Variants in SNX2 observed in about 807,000 individuals in gnomAD.
SNX2 encodes the protein sorting nexin-2.
In SNX2, 25 loss-of-function variants were observed where a neutral mutation model predicts 69.9. The observed-to-expected ratio is 0.36, with a 90% confidence interval of 0.26 to 0.50. The LOEUF is 0.50. Ranked by LOEUF, SNX2 falls within the 20% of genes least tolerant of loss-of-function variation. SNX2 has a pLI of 0.97. For missense variants in SNX2, 551 were observed against 613.3 expected, an observed-to-expected ratio of 0.90 and a Z score of 1.07; for synonymous variants, 229 against 200.4, an observed-to-expected ratio of 1.14 and a Z score of -1.20.
At chr5:122,795,555 C>T in intron 2 of SNX2, 172 bp downstream of exon 2, 1 of 580,034 alleles carries the variant, frequency 1.7e-6, no homozygotes, top group South Asian at 2.2e-5. Context: ...AAAATGTGGA[C>T]TGTCCAGAGA....
At chr5:122,812,521 C>T (rs1753802970) in intron 7 of SNX2, among the ~76,000 whole-genome samples, 1 of 152,202 alleles carries the variant, frequency 6.6e-6, no homozygotes, top group Non-Finnish European at 1.5e-5. Flanking sequence ...CAGTCATTGG[C>T]TTTCTTCTGA....
chr5:122,788,935 TTTCTC>T (rs1333880138), intron 1 of SNX2, among the ~76,000 whole-genome samples: 6 of 152,342 alleles, frequency 3.9e-5, no homozygotes, highest in African/African-American at 7.2e-5. Context: ...TTGACTGTCT[TTTCTC>T]TTATTTGGTC....
In SNX2 at chr5:122,829,576, A is replaced by G. The variant is rs143917599; in HGVS notation, c.1510-22A>G. On this transcript the variant is annotated intron_variant, in intron 14 of 14. Transcript: ENST00000379516. ...GACAAAAAGGTAATGAGAATAACTT[A>G]TATTTTAATTATCATTCACAGCTGA... 5.1e-4 allele frequency: 812 copies of G among 1,591,818 alleles called. 1 individual carries two copies. Among genetic ancestry groups the G allele is most frequent in the Middle Eastern group, 1.0e-3 (6 of 6,018 alleles).
At chr5:122,784,156 A>G (rs1485010442) in intron 1 of SNX2, among the ~76,000 whole-genome samples, 1 of 151,458 alleles carries the variant, frequency 6.6e-6, no homozygotes, top group Non-Finnish European at 1.5e-5. Context: ...TTTTCTGTGT[A>G]GATAATCATA....
chr5:122,790,891 T>C (rs1212530025), intron 1 of SNX2, among the ~76,000 whole-genome samples: 1 of 152,196 alleles, frequency 6.6e-6, no homozygotes, highest in Non-Finnish European at 1.5e-5. Flanking sequence ...GAACTTTCAG[T>C]ATGATGTTGA....
chr5:122,808,933 GTGTT>G (rs1753709600), intron 7 of SNX2, among the ~76,000 whole-genome samples: 1 of 151,986 alleles, frequency 6.6e-6, no homozygotes, highest in Admixed American at 6.6e-5. Flanking sequence ...TGCCCCCCTT[GTGTT>G]TGTATAATTG....
At chr5:122,782,459 G>A (rs1309372437) in intron 1 of SNX2, among the ~76,000 whole-genome samples, 2 of 151,822 alleles carry the variant, frequency 1.3e-5, no homozygotes, top group African/African-American at 2.4e-5. Flanking sequence ...GGTTGTTCTC[G>A]AACTCCTAAC....
At chr5:122,783,236 C>T (rs556329309) in intron 1 of SNX2, among the ~76,000 whole-genome samples, 6 of 152,256 alleles carry the variant, frequency 3.9e-5, no homozygotes, top group African/African-American at 7.2e-5. Flanking sequence ...TGAGCCACCG[C>T]GCCTGCCCAG....
chr5:122,784,844 A>G (rs1212273362), intron 1 of SNX2, among the ~76,000 whole-genome samples: 1 of 152,200 alleles, frequency 6.6e-6, no homozygotes, highest in Non-Finnish European at 1.5e-5. Flanking sequence ...AGAATTTACT[A>G]ATGAAGTCAT....
Position 122,830,335 on chromosome 5 carries a change from G to T in SNX2, c.*687G>T, listed in dbSNP as rs1754257802. ...TCTTGATTGTCTTGGGTAAAGAAGA[G>T]AATAATTGTCTTTGCTTGTTTTTAA... On this transcript the variant is annotated 3_prime_UTR_variant, in exon 15 of 15. Transcript: ENST00000379516. Among the ~76,000 whole-genome samples the T allele has an allele frequency of 6.6e-6, 1 of 152,156 alleles. No homozygotes were observed. Among genetic ancestry groups the T allele is most frequent in the African/African-American group, 2.4e-5 (1 of 41,442 alleles).
intron 7 of SNX2, among the ~76,000 whole-genome samples, chr5:122,810,892 G>A (rs996521753): frequency 1.3e-5 from 2 of 152,152 alleles, no homozygotes; most frequent in Non-Finnish European, 2.9e-5. Context: ...GAACTGGAAT[G>A]GTTTCTTTTA....
chr5:122,798,094 G>A (rs1489914497), intron 2 of SNX2, among the ~76,000 whole-genome samples: 4 of 151,884 alleles, frequency 2.6e-5, no homozygotes, highest in African/African-American at 9.7e-5. Flanking sequence ...TGGGGTTTTT[G>A]TTTTGTTTGG....
chr5:122,799,773 T>C lies in SNX2; in HGVS notation c.308T>C (p.Val103Ala), dbSNP rs1444560108. 1.2e-6 allele frequency: 2 copies of C among 1,613,718 alleles called. No homozygotes were observed. The highest frequency in any genetic ancestry group is 1.7e-6 in the Non-Finnish European group (2 of 1,179,652). The change falls in exon 3 of 15, where the codon GTC (valine) becomes GCC (alanine). Residue 103 changes from valine to alanine, a missense_variant. Val to Ala is a moderately conservative substitution (Grantham distance 64). Transcript: ENST00000379516. ...SSEPSPAVTP[V>A]TPTTLIAPRI... The stretch of plus-strand genomic sequence containing the variant: ...GAACCTTCTCCTGCAGTCACACCTG[T>C]CACTCCTACTACACTCATTGCTCCT...
rs1261439861 is a variant in SNX2 at position 122,803,570 on chromosome 5, T to A, written c.600T>A (p.His200Gln). Residue 200 changes from histidine to glutamine, a missense_variant, in exon 6 of 15, where the codon CAT (histidine) becomes CAA (glutamine). Physicochemically the swap from His to Gln is conservative, Grantham distance 24. This residue lies in a region of SNX2 where 360 missense variants were observed against 450.4 expected (regional missense o/e 0.80). Transcript: ENST00000379516. Reference protein sequence around the residue: ...LHSKLASKYLHVGYIVPPAPE... With the variant: ...LHSKLASKYLQVGYIVPPAPE... ...GCAAATTAGCAAGCAAATATTTACA[T>A]GTTGGTTATATTGTGCCACCAGCTC... 6.2e-7 allele frequency: 1 copy of A among 1,611,960 alleles called. No individual in the cohort carries two copies. The highest frequency in any genetic ancestry group is 2.2e-5 in the East Asian group (1 of 44,766).
chr5:122,799,874 T>G lies in SNX2; in HGVS notation c.390+19T>G. On this transcript the variant is annotated intron_variant, in intron 3 of 14. Transcript: ENST00000379516. Reference sequence around the variant, plus strand: ...GGAAGAGGTACAGGAAAATGTATTCTAAATTAATATGTAAATATATACCTT... The same window carrying G: ...GGAAGAGGTACAGGAAAATGTATTCGAAATTAATATGTAAATATATACCTT... 2 of 1,580,850 alleles carry G rather than the reference T, an allele frequency of 1.3e-6. No homozygotes were observed. Among genetic ancestry groups the G allele is most frequent in the Non-Finnish European group, 1.7e-6 (2 of 1,156,184 alleles).
intron 2 of SNX2, among the ~76,000 whole-genome samples, chr5:122,797,845 A>G (rs916392711): frequency 1.3e-5 from 2 of 151,688 alleles, no homozygotes. Flanking sequence ...TACTTAAGCT[A>G]AAAGGTGTCA....
At chr5:122,790,950 G>A (rs191115429) in intron 1 of SNX2, among the ~76,000 whole-genome samples, 1 of 152,062 alleles carries the variant, frequency 6.6e-6, no homozygotes, top group Non-Finnish European at 1.5e-5. Context: ...GATCTTACTG[G>A]GGAAGCTTCA....
At chr5:122,820,336 G>A (rs1251038176) in intron 11 of SNX2, among the ~76,000 whole-genome samples, 1 of 152,128 alleles carries the variant, frequency 6.6e-6, no homozygotes, top group African/African-American at 2.4e-5. Flanking sequence ...AGGAGATCAA[G>A]ACCATCCTGG....
rs1258505528 is a variant in SNX2, at chr5:122,833,391, T to A, written c.*3743T>A. The A allele has an allele frequency of 2.0e-5, 3 of 152,236 alleles. No homozygotes were observed. Among genetic ancestry groups the A allele is most frequent in the South Asian group, 2.1e-4 (1 of 4,838 alleles). The allele number at this position is 152,236 out of a possible 1,614,324, so 9.4% of individuals were successfully genotyped here. A position where few individuals can be genotyped will look rare whatever the true frequency, so the allele number is the denominator to read the frequency against. ...ATAATATGGGCCATATATATAATTT[T>A]AAAATTTTCTACAGCCAAATGTTAA... On this transcript the variant is annotated 3_prime_UTR_variant, in exon 15 of 15. Transcript: ENST00000379516.
Sources: gnomAD v4.1 joint callset for allele counts (sites outside exome capture counted in the v4.1 genomes callset) on GRCh38, gnomAD v4.1.1 for gene constraint, gnomAD v4.1.1 regional missense constraint, MANE v1.5 for transcripts, NCBI Gene and HGNC (gene_info 2026-07-23, HGNC 2026-07-21) for gene names.